The following RICTOR variants were observed in gnomAD, a reference collection of about 807,000 sequenced individuals.
RICTOR encodes the protein RPTOR independent companion of MTOR complex 2.
RICTOR carries 49 observed loss-of-function variants against 214.9 expected under a neutral mutation model. The ratio of observed to expected loss-of-function variants is 0.23; its 90% CI spans 0.18 to 0.29. RICTOR has a LOEUF of 0.29. Among genes scored for constraint, RICTOR ranks in the 10% least tolerant of loss-of-function variants. The probability of loss-of-function intolerance (pLI) is 1.00; values close to 1 mark genes in which losing one functional copy is unlikely to be tolerated. For synonymous variants in RICTOR, 717 were observed against 711.3 expected (o/e 1.01, Z -0.13); for missense variants, 1,625 against 2,047.0 (o/e 0.79, Z 3.98).
intron 30 of RICTOR, among the ~76,000 whole-genome samples, chr5:38,950,969 C>A (rs1260118442): frequency 6.6e-6 from 1 of 151,746 alleles, no homozygotes; most frequent in Non-Finnish European, 1.5e-5. Flanking sequence ...TATTATAAGA[C>A]CCACTATGGC....
At chr5:39,054,795 A>C (rs532359510) in intron 2 of RICTOR, among the ~76,000 whole-genome samples, 2 of 152,372 alleles carry the variant, frequency 1.3e-5, no homozygotes, top group African/African-American at 4.8e-5. Flanking sequence ...ACCCACAGTG[A>C]AAAGAGCTGT....
chr5:38,977,277 G>A (rs1751318007), intron 9 of RICTOR, among the ~76,000 whole-genome samples: 1 of 152,160 alleles, frequency 6.6e-6, no homozygotes, highest in African/African-American at 2.4e-5. Context: ...GAGCCTCCAG[G>A]CAAGACCTGA....
chr5:38,948,249 T>A (rs2112835272), intron 31 of RICTOR, among the ~76,000 whole-genome samples: 1 of 152,272 alleles, frequency 6.6e-6, no homozygotes, highest in South Asian at 2.1e-4. Context: ...CTTTAAAATG[T>A]ACGAATGCAG....
chr5:38,959,943 A>T lies in RICTOR; in HGVS notation c.1887T>A (p.Asp629Glu). 1 of 1,612,620 alleles carries T rather than the reference A, an allele frequency of 6.2e-7. No individual in the cohort carries two copies. The highest frequency in any genetic ancestry group is 8.5e-7 in the Non-Finnish European group (1 of 1,178,812). The change falls in exon 21 of 38, where the codon GAT (aspartate) becomes GAA (glutamate). Residue 629 changes from aspartate (D) to glutamate (E), a missense_variant. By Grantham distance (45) the Asp-to-Glu change is conservative. Around this residue, in one of 5 missense-constraint regions of RICTOR, gnomAD observed 1,214 missense variants for 1,470.5 expected, o/e 0.83. Transcript: ENST00000357387. ...GQGYLEDLVK[D>E]IVQWLNASSG... ...ATGAAGCATTGAGCCACTGAACAAT[A>T]TCCTTTACTAGATCTTCTAAGTAGC...
chr5:39,043,037 C>T (rs954739668), intron 2 of RICTOR, among the ~76,000 whole-genome samples: 2 of 151,956 alleles, frequency 1.3e-5, no homozygotes, highest in Admixed American at 6.6e-5. Context: ...GTAAGTACAG[C>T]CATTATAGAA....
intron 3 of RICTOR, among the ~76,000 whole-genome samples, chr5:39,006,196 TTC>T (rs1422512392): frequency 6.6e-6 from 1 of 152,218 alleles, no homozygotes; most frequent in African/African-American, 2.4e-5. Context: ...TTGTACAAGA[TTC>T]TCTCTTTTCT....
At chr5:39,056,371 T>C (rs899300661) in intron 2 of RICTOR, among the ~76,000 whole-genome samples, 1 of 152,124 alleles carries the variant, frequency 6.6e-6, no homozygotes, top group Non-Finnish European at 1.5e-5. Context: ...CAGTGGCTCA[T>C]ACCTACAATC....
intron 2 of RICTOR, among the ~76,000 whole-genome samples, chr5:39,050,198 A>AT (rs1491091221): frequency 0.037 from 5,368 of 145,882 alleles, 151 homozygotes; most frequent in South Asian, 0.08. Flanking sequence ...ATAAATAAAT[A>AT]AATATATATA....
At chr5:39,008,996 A>C (rs1029752391) in intron 3 of RICTOR, among the ~76,000 whole-genome samples, 1 of 150,750 alleles carries the variant, frequency 6.6e-6, no homozygotes, top group Non-Finnish European at 1.5e-5. Flanking sequence ...CAAACTGGGA[A>C]AAAATGTTAC....
At chr5:39,003,536 G>C in intron 4 of RICTOR, 22 bp downstream of exon 4, 1 of 1,502,708 alleles carries the variant, frequency 6.7e-7, no homozygotes, top group Non-Finnish European at 9.2e-7. Context: ...AGGGATGGGA[G>C]GGGGGAATGA....
At chr5:38,943,197 T>C (rs1747792994) in intron 36 of RICTOR, 1 of 401,828 alleles carries the variant, frequency 2.5e-6, no homozygotes, top group Non-Finnish European at 4.4e-6. Context: ...ACCTGAATAC[T>C]TCTTGTAAAA....
At chr5:39,039,621 G>A (rs1254015964) in intron 2 of RICTOR, among the ~76,000 whole-genome samples, 4 of 151,836 alleles carry the variant, frequency 2.6e-5, no homozygotes, top group African/African-American at 9.7e-5. Flanking sequence ...AATTTACAAG[G>A]AAAAAACAAA....
intron 29 of RICTOR, 71 bp downstream of exon 29, chr5:38,952,914 T>G: frequency 1.2e-6 from 1 of 863,000 alleles, no homozygotes. Context: ...AATCATAAAA[T>G]ACTTTCCCCT....
chr5:38,983,704 C>T (rs980694382), intron 7 of RICTOR, among the ~76,000 whole-genome samples: 2 of 152,158 alleles, frequency 1.3e-5, no homozygotes, highest in Admixed American at 6.5e-5. Context: ...TGGCTCAGGC[C>T]TGTAATCCCA....
At chr5:39,073,998 CCCCGCACCCCGCCGGTCCCGTGCGGGG>C in intron 2 of RICTOR, 86 bp downstream of exon 2, 1 of 647,208 alleles carries the variant, frequency 1.5e-6, no homozygotes, top group Non-Finnish European at 2.1e-6. Flanking sequence ...CGGCTCTGGC[CCCCGCACCCCGCCGGTCCCGTGCGGGG>C]CCCGCCCCTG....
chr5:39,024,627 G>A (rs1249696960), intron 2 of RICTOR, among the ~76,000 whole-genome samples: 2 of 152,186 alleles, frequency 1.3e-5, no homozygotes, highest in East Asian at 1.9e-4. Context: ...TAATGGAAAT[G>A]TATAATCTAA....
chr5:38,964,273 C>T (rs543712328), intron 16 of RICTOR, among the ~76,000 whole-genome samples: 1 of 151,750 alleles, frequency 6.6e-6, no homozygotes, highest in Non-Finnish European at 1.5e-5. Context: ...ACTGGAATTC[C>T]AGCAGAGCTA....
intron 2 of RICTOR, among the ~76,000 whole-genome samples, chr5:39,064,631 A>C (rs952317551): frequency 1.3e-5 from 2 of 152,204 alleles, no homozygotes; most frequent in African/African-American, 2.4e-5. Flanking sequence ...TATTCTTGGT[A>C]GCCTGAGACC....
chr5:38,976,500 A>T (rs1356969228), intron 9 of RICTOR, among the ~76,000 whole-genome samples: 3 of 152,172 alleles, frequency 2.0e-5, no homozygotes, highest in Non-Finnish European at 4.4e-5. Context: ...TAAGCTATGC[A>T]GCACCAGCTA....
Sources: gnomAD v4.1 joint callset for allele counts (sites outside exome capture counted in the v4.1 genomes callset) on GRCh38, gnomAD v4.1.1 for gene constraint, gnomAD v4.1.1 regional missense constraint, MANE v1.5 for transcripts, NCBI Gene and HGNC (gene_info 2026-07-23, HGNC 2026-07-21) for gene names.